LRRFIP2: variants seen among roughly 807,000 people sequenced by gnomAD.
LRRFIP2 encodes LRR binding FLII interacting protein 2.
LRRFIP2 carries 109 observed loss-of-function variants against 125.9 expected under a neutral mutation model. That is an observed-to-expected ratio of 0.87 (90% CI 0.74 to 1.01). The LOEUF (loss-of-function observed/expected upper bound fraction) is 1.01, where lower values mean the gene tolerates loss of function less well. Ranked by LOEUF, LRRFIP2 falls within the 50% of genes least tolerant of loss-of-function variation. The pLI is 0.00. For synonymous variants in LRRFIP2, 291 were observed against 293.1 expected (o/e 0.99, Z 0.07); for missense variants, 850 against 862.3 (o/e 0.99, Z 0.18).
In LRRFIP2 at chr3:37,072,898, G is replaced by A. The variant is rs770891907; in HGVS notation, c.1372-16C>T. ...GCTGCTTCTCCTGCAGAGGAAGAGGGGAAGAGAAGTAATAAAAGAGCAGAA... is the reference window on the plus strand; with the variant it reads ...GCTGCTTCTCCTGCAGAGGAAGAGGAGAAGAGAAGTAATAAAAGAGCAGAA... On this transcript the variant is annotated splice_polypyrimidine_tract_variant and intron_variant, in intron 20 of 27. Transcript: ENST00000336686. The A allele has an allele frequency of 4.6e-6, 7 of 1,537,484 alleles. No individual in the cohort carries two copies. In the African/African-American group the frequency reaches 8.2e-5, roughly 18 times the overall value.
chr3:37,133,147 C>T (rs1258890125), intron 2 of LRRFIP2, among the ~76,000 whole-genome samples: 2 of 152,310 alleles, frequency 1.3e-5, no homozygotes, highest in South Asian at 2.1e-4. Flanking sequence ...ATCACTTGAA[C>T]CCTGGAGGCA....
intron 7 of LRRFIP2, among the ~76,000 whole-genome samples, chr3:37,113,744 C>A (rs1207717723): frequency 6.6e-6 from 1 of 152,086 alleles, no homozygotes; most frequent in Non-Finnish European, 1.5e-5. Context: ...TACTCTTAAC[C>A]CAAATTAGTG....
chr3:37,086,225 G>C (rs990424362), intron 18 of LRRFIP2, among the ~76,000 whole-genome samples: 17 of 152,182 alleles, frequency 1.1e-4, no homozygotes, highest in Admixed American at 2.6e-4. Context: ...CAGAAGACAA[G>C]TGTTAGTAAG....
intron 2 of LRRFIP2, among the ~76,000 whole-genome samples, chr3:37,148,331 G>A (rs2095912340): frequency 6.6e-6 from 1 of 152,046 alleles, no homozygotes; most frequent in South Asian, 2.1e-4. Flanking sequence ...AGATGAGGGA[G>A]GAAGAAAAGG....
At chr3:37,165,511 C>A (rs1414008780) in intron 1 of LRRFIP2, among the ~76,000 whole-genome samples, 3 of 151,992 alleles carry the variant, frequency 2.0e-5, no homozygotes, top group Non-Finnish European at 4.4e-5. Context: ...AATCCCAGCA[C>A]TTTGGGAGGC....
At chr3:37,158,532 G>C (rs1378690894) in intron 1 of LRRFIP2, among the ~76,000 whole-genome samples, 1 of 151,892 alleles carries the variant, frequency 6.6e-6, no homozygotes, top group South Asian at 2.1e-4. Flanking sequence ...GCTTGATCCT[G>C]GGAGGCAGAG....
intron 2 of LRRFIP2, among the ~76,000 whole-genome samples, chr3:37,138,497 A>G (rs958038455): frequency 6.6e-6 from 1 of 152,214 alleles, no homozygotes; most frequent in African/African-American, 2.4e-5. Context: ...ACTGTATCTA[A>G]TGAACCACAA....
At chr3:37,069,248 G>A (rs79173775) in intron 21 of LRRFIP2, among the ~76,000 whole-genome samples, 5,829 of 152,208 alleles carry the variant, frequency 0.038, 323 homozygotes, top group African/African-American at 0.12. Context: ...GGTACATACC[G>A]AAAACAACTG....
At chr3:37,065,784 A>C in intron 23 of LRRFIP2, 26 bp downstream of exon 23, 1 of 1,614,080 alleles carries the variant, frequency 6.2e-7, no homozygotes, top group Non-Finnish European at 8.5e-7. Flanking sequence ...CATTAATCCA[A>C]GTCAACATAG....
intron 19 of LRRFIP2, among the ~76,000 whole-genome samples, chr3:37,075,872 T>G: frequency 6.6e-6 from 1 of 152,038 alleles, no homozygotes; most frequent in East Asian, 1.9e-4. Flanking sequence ...AATAGAGAAT[T>G]CAGGAAAAAC....
intron 6 of LRRFIP2, among the ~76,000 whole-genome samples, chr3:37,118,548 A>G (rs1386853700): frequency 1.3e-5 from 2 of 152,282 alleles, no homozygotes; most frequent in East Asian, 3.9e-4. Flanking sequence ...TCCCTCCCCC[A>G]ATCCTACCAT....
chr3:37,098,607 G>A lies in LRRFIP2; in HGVS notation c.874-1947C>T, dbSNP rs373101636. Among the ~76,000 whole-genome samples, 67 of 151,882 alleles carry A rather than the reference G, an allele frequency of 4.4e-4. 1 individual carries two copies. The highest frequency in any genetic ancestry group is 1.5e-3 in the African/African-American group (61 of 41,422). On this transcript the variant is annotated intron_variant, in intron 15 of 27. Coordinates refer to ENST00000336686, the MANE Select transcript of LRRFIP2 (RefSeq NM_006309.4). ...GGGGTTTCAACATGTTGGCCAGGCT[G>A]GTCTCGAACTCCTGACCTCAAGTGA...
intron 17 of LRRFIP2, 147 bp downstream of exon 17, chr3:37,094,645 C>T: frequency 1.9e-6 from 1 of 519,830 alleles, no homozygotes; most frequent in South Asian, 3.1e-5. Context: ...CTCTGAAACA[C>T]TTGAGTCACA....
Position 37,055,154 on chromosome 3 carries a change from T to C in LRRFIP2, c.1882A>G (p.Arg628Gly). Reference protein sequence around the residue: ...QFIEMQRDANRQISEYKFKLS... With the variant: ...QFIEMQRDANGQISEYKFKLS... ...TTAAATTTGTATTCGCTAATTTGTC[T>C]ATTGGCATCTCCTAGAACAGAAGAA... The change falls in exon 26 of 28, where the codon AGA becomes GGA. Residue 628 changes from arginine (R) to glycine (G), a missense_variant. Arg to Gly is a moderately radical substitution (Grantham distance 125). Coordinates refer to ENST00000336686, the MANE Select transcript of LRRFIP2 (RefSeq NM_006309.4). 1 of 1,591,432 alleles carries C rather than the reference T, an allele frequency of 6.3e-7. No homozygotes were observed. Among genetic ancestry groups the C allele is most frequent in the Non-Finnish European group, 8.5e-7 (1 of 1,170,940 alleles).
chr3:37,066,336 G>T lies in LRRFIP2; in HGVS notation c.1465-11C>A. 1 of 1,607,030 alleles carries T rather than the reference G, an allele frequency of 6.2e-7. No individual in the cohort carries two copies. Among genetic ancestry groups the T allele is most frequent in the Admixed American group, 1.7e-5 (1 of 60,002 alleles). The stretch of plus-strand genomic sequence containing the variant: ...CTGTTTCTCTAGGGCCTGGTTTTAG[G>T]TAAGGTAGCAAGGGAAACAATGGCA... On this transcript the variant is annotated splice_polypyrimidine_tract_variant and intron_variant, in intron 21 of 27. Coordinates refer to ENST00000336686, the MANE Select transcript of LRRFIP2 (RefSeq NM_006309.4).
chr3:37,159,546 G>A (rs894218043), intron 1 of LRRFIP2, among the ~76,000 whole-genome samples: 4 of 151,808 alleles, frequency 2.6e-5, no homozygotes, highest in African/African-American at 9.7e-5. Context: ...TCTCGCTGCT[G>A]GCCAGGTTGG....
intron 13 of LRRFIP2, among the ~76,000 whole-genome samples, chr3:37,106,575 A>C (rs2094334993): frequency 6.6e-6 from 1 of 152,232 alleles, no homozygotes; most frequent in Admixed American, 6.5e-5. Flanking sequence ...CAGGAGGCTG[A>C]GGCAGGAGGA....
chr3:37,127,797 C>A (rs2095323405), intron 3 of LRRFIP2, 117 bp from the exon 4 acceptor site: 1 of 764,490 alleles, frequency 1.3e-6, no homozygotes, highest in African/African-American at 1.8e-5. Context: ...CTCAAAGTTA[C>A]ACATTCAAAA....
chr3:37,096,547 T>C, intron 16 of LRRFIP2, 69 bp downstream of exon 16: 1 of 958,724 alleles, frequency 1.0e-6, no homozygotes, highest in Non-Finnish European at 1.6e-6. Context: ...GTAAAATAAA[T>C]AATGAACAAG....
Sources: gnomAD v4.1 joint callset for allele counts (sites outside exome capture counted in the v4.1 genomes callset) on GRCh38, gnomAD v4.1.1 for gene constraint, MANE v1.5 for transcripts, NCBI Gene and HGNC (gene_info 2026-07-23, HGNC 2026-07-21) for gene names.